The following SLCO3A1 variants were observed in gnomAD, a reference collection of about 807,000 sequenced individuals.
The protein encoded by SLCO3A1 is solute carrier organic anion transporter family member 3A1, also known as PGE1 transporter.
Under a neutral mutation model 63.1 loss-of-function variants are expected in SLCO3A1, and 27 were observed. The ratio of observed to expected loss-of-function variants is 0.43; its 90% confidence interval spans 0.32 to 0.59. The LOEUF (loss-of-function observed/expected upper bound fraction) is 0.59. Ranked by LOEUF, SLCO3A1 falls within the 20% of genes least tolerant of loss-of-function variation. SLCO3A1 has a pLI of 0.09. For synonymous variants in SLCO3A1, 473 were observed against 409.9 expected (o/e 1.15, Z -1.86); for missense variants, 773 against 945.8 (o/e 0.82, Z 2.40).
In SLCO3A1 at chr15:91,863,741, G is replaced by C. The variant is rs1454727581; in HGVS notation, c.180+9653G>C. 6.6e-6 allele frequency among the ~76,000 whole-genome samples: 1 copy of C among 152,154 alleles called. No homozygotes were observed. Among genetic ancestry groups the C allele is most frequent in the Admixed American group, 6.5e-5 (1 of 15,272 alleles). Reference sequence around the variant, plus strand: ...AGGCCCATGAAATAGATGTAGAAGAGCTTCAGAGAAGCCTCTCCTGTCCTT... The same window carrying C: ...AGGCCCATGAAATAGATGTAGAAGACCTTCAGAGAAGCCTCTCCTGTCCTT... On this transcript the variant is annotated intron_variant, in intron 1 of 9. Transcript: ENST00000318445. The surrounding 1 kb of genome is among the most constrained non-coding windows in gnomAD (Gnocchi z 4.3).
At chr15:92,020,350 A>G (rs2046493647) in intron 2 of SLCO3A1, among the ~76,000 whole-genome samples, 1 of 152,214 alleles carries the variant, frequency 6.6e-6, no homozygotes, top group Non-Finnish European at 1.5e-5. Context: ...AGTTTGAAGC[A>G]ATGCTGAAAT....
intron 2 of SLCO3A1, among the ~76,000 whole-genome samples, chr15:91,974,267 T>TGTTGTTGTTATTATTATTATTATG (rs1257257027): frequency 2.8e-5 from 4 of 144,584 alleles, no homozygotes; most frequent in Non-Finnish European, 6.1e-5. Flanking sequence ...TCATTATTGT[T>TGTTGTTGTTATTATTATTATTATG]ATTATTATTA....
chr15:91,874,181 T>C (rs1388357280), intron 1 of SLCO3A1, among the ~76,000 whole-genome samples: 1 of 152,196 alleles, frequency 6.6e-6, no homozygotes, highest in Non-Finnish European at 1.5e-5. Flanking sequence ...ATTATAACAA[T>C]ATGCTGTAAT....
At position 91,916,934 on chromosome 15, in the gene SLCO3A1, G is replaced by A. The variant is rs1444392085; in HGVS notation, c.646+476G>A. On this transcript the variant is annotated intron_variant, in intron 2 of 9. Coordinates refer to ENST00000318445, the MANE Select transcript of SLCO3A1 (RefSeq NM_013272.4). This position sits in a 1 kb window ranked among gnomAD's most constrained non-coding sequence, Gnocchi z 6.2. The stretch of plus-strand genomic sequence containing the variant: ...GCATCATTCGAAGTTGGTGACTTCC[G>A]GTAATTTTTTCAATAATGGAAGTAT... 1.3e-5 allele frequency among the ~76,000 whole-genome samples: 2 copies of A among 152,126 alleles called. No homozygotes were observed. Among genetic ancestry groups the A allele is most frequent in the African/African-American group, 4.8e-5 (2 of 41,400 alleles).
intron 2 of SLCO3A1, among the ~76,000 whole-genome samples, chr15:91,930,085 A>G (rs1050278885): frequency 6.6e-6 from 1 of 151,930 alleles, no homozygotes; most frequent in Admixed American, 6.6e-5. Flanking sequence ...GTAAATCCAT[A>G]ATTCATCTCT....
intron 2 of SLCO3A1, among the ~76,000 whole-genome samples, chr15:91,962,133 C>T (rs1331393925): frequency 6.6e-6 from 1 of 152,140 alleles, no homozygotes; most frequent in Non-Finnish European, 1.5e-5. Context: ...GAAGATGCCG[C>T]AGACTGCAGC....
chr15:91,947,477 T>C (rs560167638), intron 2 of SLCO3A1, among the ~76,000 whole-genome samples: 15 of 152,334 alleles, frequency 9.8e-5, no homozygotes, highest in African/African-American at 3.4e-4. Context: ...TCTTCCCTTT[T>C]TTCTCTGCTC....
At chr15:91,960,471 A>G (rs142213971) in intron 2 of SLCO3A1, among the ~76,000 whole-genome samples, 23 of 152,240 alleles carry the variant, frequency 1.5e-4, no homozygotes, top group Middle Eastern at 3.4e-3. Flanking sequence ...GGTGTGGACG[A>G]GGCAACCTCT....
intron 2 of SLCO3A1, among the ~76,000 whole-genome samples, chr15:92,009,100 CACTG>C (rs569230821): frequency 5.3e-4 from 80 of 152,250 alleles, no homozygotes; most frequent in African/African-American, 1.9e-3. Flanking sequence ...TTTTTCTTCT[CACTG>C]ACCGCAGCCA....
At chr15:92,070,627 G>A (rs1448660837) in intron 2 of SLCO3A1, among the ~76,000 whole-genome samples, 1 of 140,404 alleles carries the variant, frequency 7.1e-6, no homozygotes, top group East Asian at 2.1e-4. Context: ...CTGGGTGACA[G>A]AGCAACACTC....
At chr15:92,090,689 T>C (rs957690282) in intron 2 of SLCO3A1, among the ~76,000 whole-genome samples, 1 of 152,036 alleles carries the variant, frequency 6.6e-6, no homozygotes, top group Non-Finnish European at 1.5e-5. Flanking sequence ...CCCCCAAAGA[T>C]AGCTTTAAGA....
At position 91,916,033 on chromosome 15, in the gene SLCO3A1, A is replaced by C. The variant is rs1275842006; in HGVS notation, c.221A>C (p.Gln74Pro). Residue 74 changes from glutamine (Q) to proline (P), a missense_variant, in exon 2 of 10, where the codon CAG (glutamine) becomes CCG (proline). This residue lies in a region of SLCO3A1 where 565 missense variants were observed against 749.8 expected (regional missense o/e 0.75). Transcript: ENST00000318445. This position sits in a 1 kb window ranked among gnomAD's most constrained non-coding sequence, Gnocchi z 6.2. ...LTTLERRFNL[Q>P]SADVGVIASS... ...ACCCTGGAGCGTAGGTTCAACCTGCAGAGCGCTGACGTGGGTGTGATCGCT... is the reference window on the plus strand; with the variant it reads ...ACCCTGGAGCGTAGGTTCAACCTGCCGAGCGCTGACGTGGGTGTGATCGCT... The C allele has an allele frequency of 1.2e-6, 2 of 1,613,326 alleles. No individual in the cohort carries two copies. The highest frequency in any genetic ancestry group is 2.2e-5 in the South Asian group (2 of 91,036).
At chr15:92,012,818 A>G (rs943287508) in intron 2 of SLCO3A1, among the ~76,000 whole-genome samples, 6 of 152,258 alleles carry the variant, frequency 3.9e-5, no homozygotes, top group Non-Finnish European at 8.8e-5. Flanking sequence ...AAACATCCTC[A>G]GAGCATCCCC....
chr15:92,024,690 A>G (rs144215302), intron 2 of SLCO3A1, among the ~76,000 whole-genome samples: 24 of 152,304 alleles, frequency 1.6e-4, no homozygotes, highest in African/African-American at 5.1e-4. Context: ...TTTAACATCT[A>G]CACAAAGCAA....
At position 92,165,267 on chromosome 15, in the gene SLCO3A1, G is replaced by C; in HGVS notation, c.*2132G>C. On this transcript the variant is annotated 3_prime_UTR_variant, in exon 10 of 10. Transcript: ENST00000318445. ...TAGTATGTCCTTGCTTATGAAAATGGGGACACTCATCAGTACGTTAACTAC... is the reference window on the plus strand; with the variant it reads ...TAGTATGTCCTTGCTTATGAAAATGCGGACACTCATCAGTACGTTAACTAC... 7.1e-6 allele frequency: 7 copies of C among 985,336 alleles called. No individual in the cohort carries two copies. The highest frequency in any genetic ancestry group is 8.4e-6 in the Non-Finnish European group (7 of 829,898). The allele number at this position is 985,336 out of a possible 1,614,324, so 61.0% of individuals were successfully genotyped here.
In SLCO3A1 at chr15:91,857,084, G is replaced by T. The variant is rs979252472; in HGVS notation, c.180+2996G>T. Reference sequence around the variant, plus strand: ...TGTGTGTGTGTGAGAGAGAGAGAGAGAAAATGTGTGTGTGTGTCTGTGTGT... The same window carrying T: ...TGTGTGTGTGTGAGAGAGAGAGAGATAAAATGTGTGTGTGTGTCTGTGTGT... On this transcript the variant is annotated intron_variant, in intron 1 of 9. Coordinates refer to ENST00000318445, the MANE Select transcript of SLCO3A1 (RefSeq NM_013272.4). Among the ~76,000 whole-genome samples, 3 of 149,936 alleles carry T rather than the reference G, an allele frequency of 2.0e-5. No individual in the cohort carries two copies. The South Asian group carries it at 6.4e-4, about 32-fold the overall frequency.
intron 2 of SLCO3A1, among the ~76,000 whole-genome samples, chr15:92,078,879 C>T (rs2047310117): frequency 6.6e-6 from 1 of 152,210 alleles, no homozygotes; most frequent in African/African-American, 2.4e-5. Context: ...ACAGACCTGC[C>T]TCAAAACCCA....
chr15:91,958,382 T>C (rs1178759099), intron 2 of SLCO3A1, among the ~76,000 whole-genome samples: 1 of 152,240 alleles, frequency 6.6e-6, no homozygotes, highest in East Asian at 1.9e-4. Context: ...TCACTCAGCA[T>C]TTCTGCATTT....
chr15:92,160,623 C>T (rs976075996), intron 9 of SLCO3A1, among the ~76,000 whole-genome samples: 3 of 152,120 alleles, frequency 2.0e-5, no homozygotes, highest in Admixed American at 6.5e-5. Context: ...AGATTTCAAC[C>T]AGAAATCTTC....
Sources: allele counts gnomAD v4.1 joint callset (sites outside exome capture counted in the v4.1 genomes callset), GRCh38; gene constraint gnomAD v4.1.1; regional missense constraint gnomAD v4.1.1; non-coding constraint Gnocchi (gnomAD v3.1); transcripts MANE v1.5; gene names NCBI Gene and HGNC (gene_info 2026-07-23, HGNC 2026-07-21).